ACTR6: variants seen among roughly 807,000 people sequenced by gnomAD.
ACTR6 encodes the protein actin related protein 6.
A neutral mutation model predicts 52.5 loss-of-function variants in ACTR6; 50 were observed. The ratio of observed to expected loss-of-function variants is 0.95; its 90% CI spans 0.76 to 1.20. The LOEUF (loss-of-function observed/expected upper bound fraction) is 1.20. Ranked by LOEUF, ACTR6 falls within the 50% of genes most tolerant of loss-of-function variation. The pLI is 0.00. For missense variants in ACTR6, 344 were observed against 472.4 expected (o/e 0.73, Z 2.52); for synonymous variants, 135 against 147.2 (o/e 0.92, Z 0.60).
rs1258881355 is a variant in ACTR6 at position 100,224,380 on chromosome 12, T to A, written c.*465T>A. On this transcript the variant is annotated 3_prime_UTR_variant, in exon 11 of 11. Coordinates refer to ENST00000188312, the MANE Select transcript of ACTR6 (RefSeq NM_022496.5). ...ATGTTTATTTTGTACCTAGAGTACA[T>A]TTAAAAGGGTGGAGACTAAGCTAAT... 3 of 152,468 alleles carry A rather than the reference T, an allele frequency of 2.0e-5. No individual in the cohort carries two copies. The highest frequency in any genetic ancestry group is 4.4e-5 in the Non-Finnish European group (3 of 68,276). 9.4% of individuals were successfully genotyped at this position (152,468 alleles called of 1,614,324 possible).
chr12:100,208,991 C>T (rs1325613328), intron 4 of ACTR6: 3 of 324,212 alleles, frequency 9.3e-6, no homozygotes, highest in African/African-American at 2.2e-5. Context: ...AAGTCATCTT[C>T]CCGCCTTGGC....
In ACTR6 at chr12:100,212,116, A is replaced by G. The variant is rs73147811; in HGVS notation, c.573-140A>G. 1,003 of 597,614 alleles carry G rather than the reference A, an allele frequency of 1.7e-3. 3 individuals are homozygous for G. The highest frequency in any genetic ancestry group is 2.8e-3 in the Middle Eastern group (6 of 2,172). The allele number at this position is 597,614 out of a possible 1,614,324, so 37.0% of individuals were successfully genotyped here. A position where few individuals can be genotyped will look rare whatever the true frequency, so the allele number is the denominator to read the frequency against. On this transcript the variant is annotated intron_variant, in intron 6 of 10. Transcript: ENST00000188312. ...GGAAGTGACAGTATTCCATAAAGTT[A>G]AAATTATTTTACACATTCAAGAATT... is the stretch of plus-strand genomic sequence containing the variant.
At chr12:100,223,563 C>T (rs554821159) in intron 10 of ACTR6, among the ~76,000 whole-genome samples, 11 of 152,232 alleles carry the variant, frequency 7.2e-5, no homozygotes, top group African/African-American at 9.6e-5. Context: ...TATTTTGTAG[C>T]GGTAAACAAG....
intron 1 of ACTR6, chr12:100,203,618 T>C (rs2153899856): frequency 6.6e-6 from 1 of 151,288 alleles, no homozygotes; most frequent in East Asian, 2.0e-4. Flanking sequence ...ACTTAATTTT[T>C]ATGGCCATAA....
Position 100,218,635 on chromosome 12 carries a change from A to G in ACTR6, c.922+49A>G. 1.6e-6 allele frequency: 2 copies of G among 1,254,708 alleles called. No homozygotes were observed. Among genetic ancestry groups the G allele is most frequent in the Non-Finnish European group, 2.1e-6 (2 of 960,700 alleles). 77.7% of individuals were successfully genotyped at this position (1,254,708 alleles called of 1,614,324 possible). A position where few individuals can be genotyped will look rare whatever the true frequency, so the allele number is the denominator to read the frequency against. ...AAAGAATTATAATTGTTTTAAAAAC[A>G]TCATAAGCCCTGTGAACCCTGTTTC... On this transcript the variant is annotated intron_variant, in intron 9 of 10. Transcript: ENST00000188312. The surrounding 1 kb of genome is among the most constrained non-coding windows in gnomAD (Gnocchi z 4.2).
At chr12:100,216,314 CCTGA>C (rs1352208553) in intron 8 of ACTR6, among the ~76,000 whole-genome samples, 1 of 152,188 alleles carries the variant, frequency 6.6e-6, no homozygotes, top group African/African-American at 2.4e-5. Flanking sequence ...CACCACCAAG[CCTGA>C]CTAAGTTTTT....
In ACTR6 at chr12:100,207,663, G is replaced by T. The variant is rs780848312; in HGVS notation, c.256G>T (p.Val86Phe). 2.7e-6 allele frequency: 4 copies of T among 1,493,784 alleles called. No homozygotes were observed. In the Admixed American group the frequency reaches 7.9e-5, roughly 30 times the overall value. 92.5% of individuals were successfully genotyped at this position (1,493,784 alleles called of 1,614,324 possible). ...CATTTTGGAATGTTTTCTCCTATAG[G>T]TTGATTTTTTAGATACTAATATTAT... ...DYLFGKEMYQVDFLDTNIIIT... is the reference protein window; with the variant it reads ...DYLFGKEMYQFDFLDTNIIIT... The change falls in exon 4 of 11, where the codon GTT (valine) becomes TTT (phenylalanine). Residue 86 changes from valine (V) to phenylalanine (F), a missense_variant and splice_region_variant. Transcript: ENST00000188312.
At position 100,205,033 on chromosome 12, in the gene ACTR6, C is replaced by G. The variant is rs1422668843; in HGVS notation, c.162C>G (p.Leu54=). ...ATGAAATAAAAGACCCTTCTGGACT[C>G]TTTTACATCCTCCCTTTTCAAAAGG... ...QIDEIKDPSG[L]FYILPFQKGY... Residue 54 remains leucine (L), a synonymous_variant, in exon 2 of 11, where the codon CTC becomes CTG. Transcript: ENST00000188312. The G allele has an allele frequency of 1.1e-5, 17 of 1,590,360 alleles. No homozygotes were observed. Among genetic ancestry groups the G allele is most frequent in the African/African-American group, 1.3e-5 (1 of 74,226 alleles).
At chr12:100,204,040 T>G (rs1200205382) in intron 1 of ACTR6, 1 of 152,262 alleles carries the variant, frequency 6.6e-6, no homozygotes, top group East Asian at 1.9e-4. Context: ...GGCTTTCGCC[T>G]CTGCAGTGGC....
intron 3 of ACTR6, among the ~76,000 whole-genome samples, chr12:100,206,725 G>A (rs1305978703): frequency 6.7e-6 from 1 of 150,054 alleles, no homozygotes; most frequent in Non-Finnish European, 1.5e-5. Context: ...CTGCAGTGCA[G>A]TGGCATGATC....
chr12:100,206,584 C>T (rs938234478), intron 3 of ACTR6, among the ~76,000 whole-genome samples: 1 of 152,050 alleles, frequency 6.6e-6, no homozygotes, highest in Non-Finnish European at 1.5e-5. Context: ...TCTCAAACTC[C>T]TGGGCTCAAG....
At chr12:100,212,071 G>C (rs2096120307) in intron 6 of ACTR6, among the ~76,000 whole-genome samples, 185 bp from the exon 7 acceptor site, 1 of 151,972 alleles carries the variant, frequency 6.6e-6, no homozygotes, top group Non-Finnish European at 1.5e-5. Flanking sequence ...TACCCTCAGA[G>C]GAATAGTGTG....
intron 2 of ACTR6, chr12:100,205,325 G>A: frequency 3.3e-6 from 1 of 305,500 alleles, no homozygotes; most frequent in Non-Finnish European, 5.9e-6. Flanking sequence ...ATATTGGTGT[G>A]TCTTTTGAAC....
intron 3 of ACTR6, 156 bp downstream of exon 3, chr12:100,205,900 G>A (rs2096114156): frequency 4.4e-6 from 2 of 450,128 alleles, no homozygotes; most frequent in South Asian, 7.7e-5. Flanking sequence ...CCATGTTGAA[G>A]TAGAGGTTGA....
At chr12:100,208,917 A>G (rs1414131912) in intron 4 of ACTR6, 1 of 365,340 alleles carries the variant, frequency 2.7e-6, no homozygotes, top group Non-Finnish European at 5.3e-6. Context: ...TGGCTGATTT[A>G]TTTATTTTTT....
intron 8 of ACTR6, among the ~76,000 whole-genome samples, chr12:100,215,307 A>T (rs2096123148): frequency 6.6e-6 from 1 of 152,034 alleles, no homozygotes; most frequent in East Asian, 1.9e-4. Flanking sequence ...GCAAATTACA[A>T]CCTATTTGTT....
intron 3 of ACTR6, among the ~76,000 whole-genome samples, chr12:100,206,714 G>T (rs1336701376): frequency 1.3e-5 from 2 of 150,352 alleles, no homozygotes; most frequent in Admixed American, 6.6e-5. Flanking sequence ...TGTTGCCCAG[G>T]CTGCAGTGCA....
intron 8 of ACTR6, among the ~76,000 whole-genome samples, chr12:100,214,926 G>T (rs948501955): frequency 6.6e-5 from 10 of 152,122 alleles, no homozygotes; most frequent in African/African-American, 2.4e-4. Flanking sequence ...TTCTTCACAA[G>T]ACAAGAAAAA....
chr12:100,223,202 GT>G (rs2096129684), intron 10 of ACTR6, among the ~76,000 whole-genome samples: 1 of 152,184 alleles, frequency 6.6e-6, no homozygotes. Context: ...TTAGCCATGT[GT>G]GGTGGCATGT....
Sources: gnomAD v4.1 joint callset for allele counts (sites outside exome capture counted in the v4.1 genomes callset) on GRCh38, gnomAD v4.1.1 for gene constraint, Gnocchi (gnomAD v3.1) non-coding constraint, MANE v1.5 for transcripts, NCBI Gene and HGNC (gene_info 2026-07-23, HGNC 2026-07-21) for gene names.